Variants in ROBO2 observed in about 807,000 individuals in gnomAD.
ROBO2 encodes roundabout homolog 2.
In ROBO2, 53 loss-of-function variants were observed where a neutral mutation model predicts 160.8. The ratio of observed to expected loss-of-function variants is 0.33; its 90% CI spans 0.26 to 0.41. The LOEUF (loss-of-function observed/expected upper bound fraction) is 0.41, where lower values mean the gene tolerates loss of function less well. Among genes scored for constraint, ROBO2 ranks in the 10% least tolerant of loss-of-function variants. The pLI is 1.00. For missense variants in ROBO2, 1,577 were observed against 1,722.4 expected (o/e 0.92, Z 1.49); for synonymous variants, 664 against 611.7 (o/e 1.09, Z -1.26).
rs181727518 is a variant in ROBO2 at position 76,850,900 on chromosome 3, G to C, written c.110-247114G>C. Among the ~76,000 whole-genome samples, 60 of 152,256 alleles carry C rather than the reference G, an allele frequency of 3.9e-4. 1 individual carries two copies. In the East Asian group the frequency reaches 0.011, roughly 28 times the overall value. On this transcript the variant is annotated intron_variant, in intron 2 of 26. Coordinates refer to the ROBO2 transcript ENST00000487694. ...TCTTTACAAAGTGTCTCTGCAACAA[G>C]AACACTTGCCTTCCCTGAACACAGT...
chr3:76,886,528 T>C (rs1294314471), intron 2 of ROBO2, among the ~76,000 whole-genome samples: 1 of 152,176 alleles, frequency 6.6e-6, no homozygotes, highest in Non-Finnish European at 1.5e-5. Flanking sequence ...ATGTAGGTTT[T>C]CCTTCTTTGC....
chr3:76,752,276 CG>C (rs2060710029), intron 2 of ROBO2, among the ~76,000 whole-genome samples: 1 of 131,136 alleles, frequency 7.6e-6, no homozygotes, highest in Non-Finnish European at 1.6e-5. Context: ...CATCACACAC[CG>C]GGGCCTGTAG....
chr3:76,820,393 T>C (rs2066018860), intron 2 of ROBO2, among the ~76,000 whole-genome samples: 1 of 152,150 alleles, frequency 6.6e-6, no homozygotes, highest in South Asian at 2.1e-4. Context: ...GTCTGCTACA[T>C]ATACAGTGGT....
chr3:76,542,455 C>T (rs934295069), intron 2 of ROBO2, among the ~76,000 whole-genome samples: 2 of 152,020 alleles, frequency 1.3e-5, no homozygotes, highest in East Asian at 1.9e-4. Context: ...CACTTAATAC[C>T]AGGTGTTGAG....
intron 2 of ROBO2, among the ~76,000 whole-genome samples, chr3:76,135,846 G>A (rs1390285676): frequency 6.6e-6 from 1 of 151,976 alleles, no homozygotes; most frequent in East Asian, 1.9e-4. Flanking sequence ...TTTACCATAT[G>A]ACAAATTCCA....
chr3:76,306,755 G>A (rs1469880901), intron 2 of ROBO2, among the ~76,000 whole-genome samples: 1 of 152,294 alleles, frequency 6.6e-6, no homozygotes, highest in South Asian at 2.1e-4. Context: ...CTGGCTTAAT[G>A]TATAGGTTTT....
At chr3:77,291,196 T>G (rs1429085736) in intron 2 of ROBO2, among the ~76,000 whole-genome samples, 1 of 143,002 alleles carries the variant, frequency 7.0e-6, no homozygotes, top group Non-Finnish European at 1.5e-5. Flanking sequence ...GTAAAATTGA[T>G]GGTTAAATGG....
chr3:76,944,982 G>A (rs1430661091), intron 2 of ROBO2, among the ~76,000 whole-genome samples: 1 of 151,708 alleles, frequency 6.6e-6, no homozygotes, highest in Non-Finnish European at 1.5e-5. Flanking sequence ...TCTGCCTCCC[G>A]GGTTCACGCC....
intron 5 of ROBO2, among the ~76,000 whole-genome samples, chr3:77,521,271 A>G (rs2090568542): frequency 6.6e-6 from 1 of 151,202 alleles, no homozygotes; most frequent in South Asian, 2.1e-4. Context: ...AACTCTGGCC[A>G]TTTTGCTCCT....
chr3:77,138,273 A>G (rs1218825553), intron 2 of ROBO2, among the ~76,000 whole-genome samples: 1 of 152,250 alleles, frequency 6.6e-6, no homozygotes, highest in African/African-American at 2.4e-5. Flanking sequence ...TTGTGATTAT[A>G]GTTTGTGAAA....
chr3:76,792,402 A>T (rs1408979880), intron 2 of ROBO2, among the ~76,000 whole-genome samples: 1 of 151,806 alleles, frequency 6.6e-6, no homozygotes, highest in Non-Finnish European at 1.5e-5. Flanking sequence ...TCCCCTGCAG[A>T]TACCAAGGAA....
At chr3:77,317,137 A>G in intron 2 of ROBO2, 1 of 1,124,182 alleles carries the variant, frequency 8.9e-7, no homozygotes, top group Non-Finnish European at 1.4e-6. Flanking sequence ...TTGCAGTCTC[A>G]AAACGCATCT....
intron 2 of ROBO2, among the ~76,000 whole-genome samples, chr3:76,983,295 A>AC (rs1298763590): frequency 1.3e-5 from 2 of 152,180 alleles, no homozygotes; most frequent in East Asian, 3.9e-4. Flanking sequence ...TCAAAAAAAA[A>AC]ATTATAAAGT....
At chr3:77,300,842 T>C (rs1180220293) in intron 2 of ROBO2, among the ~76,000 whole-genome samples, 2 of 147,422 alleles carry the variant, frequency 1.4e-5, no homozygotes, top group Non-Finnish European at 3.0e-5. Flanking sequence ...ACTGAAATAA[T>C]AGACTATTTA....
At chr3:77,624,834 TG>T (rs375340024) in intron 23 of ROBO2, among the ~76,000 whole-genome samples, 5 of 152,274 alleles carry the variant, frequency 3.3e-5, no homozygotes, top group Admixed American at 6.5e-5. Flanking sequence ...GGAGGCAGCA[TG>T]GGTTACACAG....
chr3:76,493,254 G>A (rs560371999), intron 2 of ROBO2, among the ~76,000 whole-genome samples: 2 of 149,374 alleles, frequency 1.3e-5, no homozygotes, highest in Admixed American at 6.7e-5. Context: ...CTGACACCTG[G>A]CACTATTTTG....
At chr3:76,342,086 C>A (rs1253049623) in intron 2 of ROBO2, among the ~76,000 whole-genome samples, 1 of 152,096 alleles carries the variant, frequency 6.6e-6, no homozygotes, top group Non-Finnish European at 1.5e-5. Context: ...GGTAGACAAT[C>A]TAATTAGGTC....
chr3:77,030,588 T>C (rs1425677976), intron 2 of ROBO2, among the ~76,000 whole-genome samples: 1 of 152,172 alleles, frequency 6.6e-6, no homozygotes, highest in East Asian at 1.9e-4. Flanking sequence ...AGCCTAGACC[T>C]CCAGAGTCAA....
intron 2 of ROBO2, among the ~76,000 whole-genome samples, chr3:76,725,666 G>A (rs545681748): frequency 1.3e-5 from 2 of 152,242 alleles, no homozygotes; most frequent in African/African-American, 2.4e-5. Flanking sequence ...CTGAGTCAAC[G>A]TAGTCATATT....
Sources: gnomAD v4.1 joint callset for allele counts (sites outside exome capture counted in the v4.1 genomes callset) on GRCh38, gnomAD v4.1.1 for gene constraint, MANE v1.5 for transcripts, NCBI Gene and HGNC (gene_info 2026-07-23, HGNC 2026-07-21) for gene names.